Variants in C1orf141 observed in about 807,000 individuals in gnomAD.
C1orf141 encodes uncharacterized protein C1orf141.
In C1orf141, 19 loss-of-function variants were observed where a neutral mutation model predicts 23.2. That is an observed-to-expected ratio of 0.82 (90% CI 0.57 to 1.20). The LOEUF is 1.20. Among genes scored for constraint, C1orf141 ranks in the 50% most tolerant of loss-of-function variants. C1orf141 has a pLI of 0.00. For missense variants in C1orf141, 469 were observed against 455.1 expected, an observed-to-expected ratio of 1.03 and a Z score of -0.28; for synonymous variants, 153 against 154.6, an observed-to-expected ratio of 0.99 and a Z score of 0.08.
chr1:67,135,651 A>G (rs1005116666), upstream of C1orf141, among the ~76,000 whole-genome samples: 2 of 152,160 alleles, frequency 1.3e-5, no homozygotes, highest in Admixed American at 6.5e-5. Context: ...GGAATCATTT[A>G]TTTTTAGAGC....
chr1:67,127,932 G>C (rs1646447448), intron 2 of C1orf141, among the ~76,000 whole-genome samples: 1 of 151,926 alleles, frequency 6.6e-6, no homozygotes. Flanking sequence ...ACCGTGCCTG[G>C]CCAGGAGTAG....
chr1:67,139,579 GT>G (rs912764900), upstream of C1orf141, among the ~76,000 whole-genome samples: 4 of 152,112 alleles, frequency 2.6e-5, no homozygotes, highest in African/African-American at 9.7e-5. Flanking sequence ...ATTTACTTAT[GT>G]TTTTAAAGAT....
chr1:67,129,401 G>A lies in C1orf141; in HGVS notation c.-18+1741C>T, dbSNP rs1016865129. On this transcript the variant is annotated intron_variant, in intron 2 of 7. Coordinates refer to ENST00000684719, the MANE Select transcript of C1orf141 (RefSeq NM_001276351.2). ...GATCATTTGAGTCCAGGAGTTTGAG[G>A]CTGCAGTGAGCTATGATCATGCTTC... 2.6e-5 allele frequency among the ~76,000 whole-genome samples: 4 copies of A among 152,242 alleles called. No individual in the cohort carries two copies. The South Asian group carries it at 8.3e-4, about 32-fold the overall frequency.
intron 1 of C1orf141, among the ~76,000 whole-genome samples, chr1:67,133,704 G>A (rs1646550888): frequency 6.6e-6 from 1 of 152,102 alleles, no homozygotes; most frequent in Non-Finnish European, 1.5e-5. Context: ...ATAAGAAGAG[G>A]AGATTGGGAC....
chr1:67,122,954 C>T (rs1278793378), intron 4 of C1orf141: 1 of 152,072 alleles, frequency 6.6e-6, no homozygotes, highest in Non-Finnish European at 1.5e-5. Flanking sequence ...CCTGTAATTC[C>T]AGCACTTTGT....
intron 5 of C1orf141, chr1:67,113,903 A>G (rs2102463070): frequency 6.2e-6 from 2 of 322,194 alleles, no homozygotes; most frequent in East Asian, 9.4e-5. Context: ...ATTGACTTAA[A>G]AGATGATAAG....
intron 5 of C1orf141, among the ~76,000 whole-genome samples, chr1:67,104,681 A>T (rs576197760): frequency 6.6e-6 from 1 of 152,328 alleles, no homozygotes; most frequent in East Asian, 1.9e-4. Flanking sequence ...TTAAATTAAA[A>T]AGTAAACAGC....
At chr1:67,141,334 T>A (rs550998582) in intron 1 of C1orf141, among the ~76,000 whole-genome samples, 1 of 152,192 alleles carries the variant, frequency 6.6e-6, no homozygotes, top group Non-Finnish European at 1.5e-5. Context: ...AATGTATTAT[T>A]TTTGCAGCCA....
chr1:67,129,435 G>A lies in C1orf141; in HGVS notation c.-18+1707C>T, dbSNP rs112992280. On this transcript the variant is annotated intron_variant, in intron 2 of 7. Coordinates refer to ENST00000684719, the MANE Select transcript of C1orf141 (RefSeq NM_001276351.2). ...AGCTATGATCATGCTTCTGCACCCC[G>A]GCTTGGGTGACAGAGCAAGACCCCA... Among the ~76,000 whole-genome samples, 1,385 of 152,170 alleles carry A rather than the reference G, an allele frequency of 9.1e-3. 24 individuals carry two copies. The highest frequency in any genetic ancestry group is 0.032 in the African/African-American group (1,315 of 41,492).
chr1:67,119,932 C>T (rs983189212), intron 4 of C1orf141, among the ~76,000 whole-genome samples: 4 of 152,172 alleles, frequency 2.6e-5, no homozygotes, highest in African/African-American at 9.7e-5. Context: ...GACAGGGCTG[C>T]CTCCACTTCT....
chr1:67,110,251 G>A (rs951475708), intron 5 of C1orf141, among the ~76,000 whole-genome samples: 6 of 152,004 alleles, frequency 3.9e-5, no homozygotes, highest in African/African-American at 1.4e-4. Flanking sequence ...ATATATAAAG[G>A]GGAATCAGGA....
At chr1:67,106,444 C>G (rs1246029811) in intron 5 of C1orf141, among the ~76,000 whole-genome samples, 1 of 151,894 alleles carries the variant, frequency 6.6e-6, no homozygotes, top group Non-Finnish European at 1.5e-5. Context: ...GCCAGGAGTT[C>G]GAGACCAGCC....
chr1:67,120,702 C>A (rs1004416634), intron 4 of C1orf141, among the ~76,000 whole-genome samples: 1 of 152,108 alleles, frequency 6.6e-6, no homozygotes, highest in African/African-American at 2.4e-5. Context: ...AGAGTGTCCT[C>A]ACCAGACACT....
At chr1:67,100,323 ACACCT>A (rs1404150848) in intron 5 of C1orf141, among the ~76,000 whole-genome samples, 12 of 152,098 alleles carry the variant, frequency 7.9e-5, no homozygotes, top group African/African-American at 2.9e-4. Context: ...ATATATTCCT[ACACCT>A]GCTTTTCAGA....
At chr1:67,103,622 A>G (rs1482191491) in intron 5 of C1orf141, among the ~76,000 whole-genome samples, 2 of 152,088 alleles carry the variant, frequency 1.3e-5, no homozygotes, top group Non-Finnish European at 2.9e-5. Context: ...TTATGCTCAC[A>G]TTTTTTACTA....
At chr1:67,095,680 G>T (rs1300915053) in intron 6 of C1orf141, 10 of 325,326 alleles carry the variant, frequency 3.1e-5, no homozygotes, top group Non-Finnish European at 3.3e-5. Context: ...TACGTAGGTT[G>T]AGGAGAACAC....
At chr1:67,139,210 G>C (rs1482334778), upstream of C1orf141, 2 of 152,148 alleles carry the variant, frequency 1.3e-5, no homozygotes, top group Non-Finnish European at 2.9e-5. Context: ...TTCTATAGAA[G>C]TAAGCCTAGA....
chr1:67,105,568 A>T (rs1278321461), intron 5 of C1orf141, among the ~76,000 whole-genome samples: 1 of 152,094 alleles, frequency 6.6e-6, no homozygotes, highest in Non-Finnish European at 1.5e-5. Context: ...ATCCTCTATC[A>T]GACCTACCCT....
intron 2 of C1orf141, among the ~76,000 whole-genome samples, chr1:67,129,186 T>C (rs892666491): frequency 3.3e-5 from 5 of 151,838 alleles, no homozygotes; most frequent in African/African-American, 1.2e-4. Flanking sequence ...CTGGGTGTGG[T>C]GGTGTGTGCC....
Sources: allele counts gnomAD v4.1 joint callset (sites outside exome capture counted in the v4.1 genomes callset), GRCh38; gene constraint gnomAD v4.1.1; transcripts MANE v1.5; gene names NCBI Gene and HGNC (gene_info 2026-07-23, HGNC 2026-07-21).